Variants in MOBP observed in about 807,000 individuals in gnomAD.
MOBP encodes the protein myelin-associated oligodendrocyte basic protein.
Under a neutral mutation model 15.0 loss-of-function variants are expected in MOBP, and 5 were observed. The ratio of observed to expected loss-of-function variants is 0.33; its 90% CI spans 0.17 to 0.70. The LOEUF (loss-of-function observed/expected upper bound fraction) is 0.70, where lower values mean the gene tolerates loss of function less well. MOBP is among the 30% of genes least tolerant of loss of function. The pLI is 0.67. For missense variants in MOBP, 188 were observed against 257.8 expected (o/e 0.73, Z 1.85); for synonymous variants, 88 against 99.0 (o/e 0.89, Z 0.66).
At chr3:39,481,360 G>A (rs146885200) in intron 2 of MOBP, among the ~76,000 whole-genome samples, 87 of 152,240 alleles carry the variant, frequency 5.7e-4, no homozygotes, top group African/African-American at 1.9e-3. Context: ...ACTATTAGAC[G>A]GAGACTTCAT....
At chr3:39,515,946 T>TC (rs376574447) in exon 5 of MOBP, 8 of 152,044 alleles carry the variant, frequency 5.3e-5, no homozygotes, top group African/African-American at 1.9e-4. Flanking sequence ...TTACTACAGT[T>TC]CCCCCTCCCC....
chr3:39,468,989 T>C (rs954096018), intron 1 of MOBP, among the ~76,000 whole-genome samples: 2 of 82,584 alleles, frequency 2.4e-5, no homozygotes, highest in East Asian at 6.3e-4. Context: ...CATATATACA[T>C]ATGTGTGTGT....
chr3:39,474,170 T>C (rs891256216), intron 1 of MOBP, among the ~76,000 whole-genome samples: 2 of 152,246 alleles, frequency 1.3e-5, no homozygotes, highest in Non-Finnish European at 2.9e-5. Flanking sequence ...CAATCACTGA[T>C]ACTTGATGGT....
At chr3:39,489,566 T>C (rs2042764085) in intron 2 of MOBP, among the ~76,000 whole-genome samples, 1 of 152,212 alleles carries the variant, frequency 6.6e-6, no homozygotes, top group African/African-American at 2.4e-5. Context: ...AAATAAATTG[T>C]CTCAGTAGCT....
chr3:39,511,744 C>G (rs913714119), intron 4 of MOBP, among the ~76,000 whole-genome samples: 1 of 152,160 alleles, frequency 6.6e-6, no homozygotes, highest in Non-Finnish European at 1.5e-5. Context: ...CACTCATCCC[C>G]CCAGGGCCTC....
chr3:39,502,138 C>CAT lies in MOBP; in HGVS notation c.71_72dup (p.His25TyrfsTer16). On this transcript the variant is annotated frameshift_variant, in exon 3 of 4. Transcript: ENST00000684792. LOFTEE classifies it high-confidence loss of function. This position sits in a 1 kb window ranked among gnomAD's most constrained non-coding sequence, Gnocchi z 6.3. ...ACCAGAAGTACTCCGAACACTTCAG[C>CAT]ATACACTGCTGCCCGCCGTTCACCT... The CAT allele has an allele frequency of 6.2e-7, 1 of 1,614,232 alleles. No individual in the cohort carries two copies. The highest frequency in any genetic ancestry group is 8.5e-7 in the Non-Finnish European group (1 of 1,180,050).
intron 1 of MOBP, among the ~76,000 whole-genome samples, chr3:39,472,881 G>A (rs1004574339): frequency 3.3e-5 from 5 of 152,104 alleles, no homozygotes; most frequent in African/African-American, 4.8e-5. Context: ...AGACATATTC[G>A]TGCCATTGCA....
downstream of MOBP, among the ~76,000 whole-genome samples, chr3:39,519,342 C>A (rs1031109069): frequency 2.6e-5 from 4 of 152,138 alleles, no homozygotes; most frequent in Non-Finnish European, 5.9e-5. Flanking sequence ...TCATGGAGAT[C>A]ATTAAGGATC....
At position 39,502,791 on chromosome 3, in the gene MOBP, A is replaced by G; in HGVS notation, c.463A>G (p.Lys155Glu). The G allele has an allele frequency of 6.5e-7, 1 of 1,535,258 alleles. No individual in the cohort carries two copies. Among genetic ancestry groups the G allele is most frequent in the Non-Finnish European group, 8.7e-7 (1 of 1,146,492 alleles). The stretch of plus-strand genomic sequence containing the variant: ...GCCAGCCAAGCAGCGTCCCCCTCAG[A>G]AGTCCAAGCAACAGCCGCGCAGCAG... ...PPPAKQRPPQ[K>E]SKQQPRSSPL... is the part of the protein sequence containing the mutation. The change falls in exon 4 of 4, where the codon AAG becomes GAG. Residue 155 changes from lysine (K) to glutamate (E), a missense_variant. Around this residue, in one of 2 missense-constraint regions of MOBP, gnomAD observed 55 missense variants for 45.2 expected, o/e 1.22. Transcript: ENST00000684792. The surrounding 1 kb of genome is among the most constrained non-coding windows in gnomAD (Gnocchi z 6.3).
chr3:39,470,040 T>C (rs1417503354), intron 1 of MOBP, among the ~76,000 whole-genome samples: 1 of 152,176 alleles, frequency 6.6e-6, no homozygotes, highest in African/African-American at 2.4e-5. Flanking sequence ...ATAAATATAA[T>C]AATTCCTTTC....
downstream of MOBP, among the ~76,000 whole-genome samples, chr3:39,503,551 C>CTT (rs1414424921): frequency 1.0e-4 from 6 of 58,444 alleles, no homozygotes; most frequent in South Asian, 1.0e-3. Context: ...GCTCTGTAGG[C>CTT]TATTTTTTTT....
intron 4 of MOBP, among the ~76,000 whole-genome samples, chr3:39,509,832 G>T (rs2043097218): frequency 6.6e-6 from 1 of 151,898 alleles, no homozygotes; most frequent in Non-Finnish European, 1.5e-5. Flanking sequence ...TGATGTACAG[G>T]TCTACACTGT....
intron 2 of MOBP, among the ~76,000 whole-genome samples, chr3:39,489,750 C>A (rs1262909757): frequency 6.6e-6 from 1 of 151,994 alleles, no homozygotes; most frequent in Non-Finnish European, 1.5e-5. Context: ...CTGAGGATAA[C>A]AGAGGGAGCT....
intron 2 of MOBP, among the ~76,000 whole-genome samples, chr3:39,480,542 C>T (rs1575289037): frequency 6.6e-6 from 1 of 152,200 alleles, no homozygotes; most frequent in South Asian, 2.1e-4. Context: ...TCTCAAATGG[C>T]GGCCACTTTA....
intron 2 of MOBP, among the ~76,000 whole-genome samples, chr3:39,481,481 A>G (rs1256264284): frequency 1.3e-5 from 2 of 151,930 alleles, no homozygotes; most frequent in Non-Finnish European, 2.9e-5. Flanking sequence ...CTCTTTTTTG[A>G]TATTATTTCT....
downstream of MOBP, among the ~76,000 whole-genome samples, chr3:39,519,918 C>A (rs2125674435): frequency 6.6e-6 from 1 of 150,914 alleles, no homozygotes; most frequent in East Asian, 1.9e-4. Flanking sequence ...TCTTCCATCT[C>A]TTTCTTCACC....
At chr3:39,519,081 G>A (rs931482479), downstream of MOBP, among the ~76,000 whole-genome samples, 2 of 152,162 alleles carry the variant, frequency 1.3e-5, no homozygotes, top group African/African-American at 4.8e-5. Context: ...GTCTTAGGAA[G>A]GCAGCATCTC....
chr3:39,497,938 C>T (rs1304630793), intron 2 of MOBP, among the ~76,000 whole-genome samples: 1 of 152,164 alleles, frequency 6.6e-6, no homozygotes, highest in Non-Finnish European at 1.5e-5. Context: ...AGCTGGACTG[C>T]TTACAGCTGG....
intron 2 of MOBP, among the ~76,000 whole-genome samples, chr3:39,486,316 G>C (rs572087406): frequency 6.6e-6 from 1 of 152,284 alleles, no homozygotes; most frequent in African/African-American, 2.4e-5. Flanking sequence ...TGAAGCCCTT[G>C]AACAGTGCCT....
Sources: gnomAD v4.1 joint callset for allele counts (sites outside exome capture counted in the v4.1 genomes callset) on GRCh38, gnomAD v4.1.1 for gene constraint, gnomAD v4.1.1 regional missense constraint, Gnocchi (gnomAD v3.1) non-coding constraint, MANE v1.5 for transcripts, NCBI Gene and HGNC (gene_info 2026-07-23, HGNC 2026-07-21) for gene names.